CHN1: variants seen among roughly 807,000 people sequenced by gnomAD.
CHN1 encodes the protein chimerin 1, also known as N-chimaerin.
Under a neutral mutation model 59.5 loss-of-function variants are expected in CHN1, and 37 were observed. The observed-to-expected ratio is 0.62, with a 90% CI of 0.48 to 0.82. The LOEUF (loss-of-function observed/expected upper bound fraction) is 0.82, where lower values mean the gene tolerates loss of function less well. Among genes scored for constraint, CHN1 ranks in the 40% least tolerant of loss-of-function variants. CHN1 has a pLI of 0.00. For synonymous variants in CHN1, 206 were observed against 200.4 expected (o/e 1.03, Z -0.24); for missense variants, 469 against 571.0 (o/e 0.82, Z 1.82).
intron 8 of CHN1, among the ~76,000 whole-genome samples, chr2:174,820,119 C>A (rs981932757): frequency 2.6e-5 from 4 of 152,066 alleles, no homozygotes; most frequent in African/African-American, 7.2e-5. Flanking sequence ...AATAGTGCCA[C>A]AATAAACATA....
chr2:174,990,711 T>C (rs2105462393), intron 1 of CHN1, among the ~76,000 whole-genome samples: 1 of 152,362 alleles, frequency 6.6e-6, no homozygotes, highest in East Asian at 1.9e-4. Flanking sequence ...AGAGAAGCAT[T>C]TCTCTTCCCA....
chr2:174,937,523 T>C (rs148629576), intron 3 of CHN1, among the ~76,000 whole-genome samples: 1 of 152,298 alleles, frequency 6.6e-6, no homozygotes, highest in East Asian at 1.9e-4. Flanking sequence ...ACCTTATCAA[T>C]TGTATTAACT....
At chr2:174,803,777 C>T (rs1162360317) in intron 11 of CHN1, among the ~76,000 whole-genome samples, 14 of 151,990 alleles carry the variant, frequency 9.2e-5, no homozygotes, top group Admixed American at 8.5e-4. Context: ...TGGTCTCAAA[C>T]TCCTGGGCTC....
rs984459735 is a variant in CHN1, at chr2:174,886,234, T to C, written c.261-8106A>G. 7.4e-4 allele frequency among the ~76,000 whole-genome samples: 112 copies of C among 152,368 alleles called. 1 individual carries two copies. Among genetic ancestry groups the C allele is most frequent in the Non-Finnish European group, 1.1e-3 (78 of 68,038 alleles). On this transcript the variant is annotated intron_variant, in intron 5 of 12. Transcript: ENST00000409900. ...TAATTCTGTTAAACAATACAATGCTTTTATTTAATCATTTCCATATAAATT... is the reference window on the plus strand; with the variant it reads ...TAATTCTGTTAAACAATACAATGCTCTTATTTAATCATTTCCATATAAATT...
At chr2:174,828,278 A>C (rs1685759355) in intron 7 of CHN1, among the ~76,000 whole-genome samples, 1 of 152,226 alleles carries the variant, frequency 6.6e-6, no homozygotes, top group African/African-American at 2.4e-5. Context: ...ACTTGAAAGC[A>C]AGTTTCCTTT....
intron 1 of CHN1, among the ~76,000 whole-genome samples, chr2:174,973,609 GAGAA>G (rs1690828999): frequency 6.6e-6 from 1 of 152,198 alleles, no homozygotes; most frequent in African/African-American, 2.4e-5. Context: ...TCAGGAGGAA[GAGAA>G]GTTACACATT....
intron 6 of CHN1, among the ~76,000 whole-genome samples, chr2:174,868,123 ATTTC>A (rs1687286904): frequency 6.6e-6 from 1 of 152,108 alleles, no homozygotes; most frequent in African/African-American, 2.4e-5. Context: ...AAGAGCTTGT[ATTTC>A]TTTAATACTT....
intron 5 of CHN1, among the ~76,000 whole-genome samples, chr2:174,911,085 G>A (rs77534125): frequency 6.6e-6 from 1 of 152,050 alleles, no homozygotes; most frequent in Non-Finnish European, 1.5e-5. Context: ...CTCAACGAAT[G>A]GGTCTAACAG....
chr2:174,865,570 C>T (rs1262774061), intron 6 of CHN1, among the ~76,000 whole-genome samples: 1 of 152,174 alleles, frequency 6.6e-6, no homozygotes, highest in African/African-American at 2.4e-5. Context: ...GTACTTCGCA[C>T]AGCTTCTGAA....
At chr2:174,861,619 G>A (rs1687070214) in intron 6 of CHN1, among the ~76,000 whole-genome samples, 1 of 152,106 alleles carries the variant, frequency 6.6e-6, no homozygotes, top group Admixed American at 6.5e-5. Flanking sequence ...AACAAGAATA[G>A]CATTTTAAAT....
chr2:174,888,895 C>T (rs1574130543), intron 5 of CHN1, among the ~76,000 whole-genome samples: 1 of 152,168 alleles, frequency 6.6e-6, no homozygotes, highest in South Asian at 2.1e-4. Context: ...TCTTATGGTG[C>T]CACAGAGAAG....
chr2:174,974,782 T>G, intron 1 of CHN1, among the ~76,000 whole-genome samples: 1 of 152,126 alleles, frequency 6.6e-6, no homozygotes, highest in East Asian at 1.9e-4. Flanking sequence ...TGAGATTGGT[T>G]TCCTTCATGC....
chr2:174,812,383 G>GT lies in CHN1; in HGVS notation c.811dup (p.Thr271AsnfsTer10). On this transcript the variant is annotated frameshift_variant, in exon 9 of 13. Coordinates refer to ENST00000409900, the MANE Select transcript of CHN1 (RefSeq NM_001822.7). LOFTEE classifies it high-confidence loss of function. ...AGTGGTATGTGCTTTCACGAGCGTC[G>GT]TAAGGTCACAGCTGTACACCTTTTT... The GT allele has an allele frequency of 1.2e-6, 2 of 1,613,932 alleles. No individual in the cohort carries two copies. The highest frequency in any genetic ancestry group is 8.5e-7 in the Non-Finnish European group (1 of 1,179,862).
chr2:174,967,561 T>C (rs1187811920), intron 1 of CHN1, among the ~76,000 whole-genome samples: 1 of 152,188 alleles, frequency 6.6e-6, no homozygotes, highest in Admixed American at 6.5e-5. Context: ...TAACCATTCA[T>C]AGCACTTGAA....
rs140359574 is a variant in CHN1 at position 174,944,020 on chromosome 2, T to C, written c.114+868A>G. ...AGAGGGACCATACTTACTATATCTA[T>C]ATACATTTTATATCTGGAAATCTTT... On this transcript the variant is annotated intron_variant, in intron 3 of 12. Transcript: ENST00000409900. 4.3e-4 allele frequency among the ~76,000 whole-genome samples: 65 copies of C among 152,308 alleles called. 2 individuals carry two copies. The highest frequency in any genetic ancestry group is 1.4e-3 in the African/African-American group (60 of 41,584).
chr2:174,957,475 G>T, intron 1 of CHN1, among the ~76,000 whole-genome samples: 1 of 145,316 alleles, frequency 6.9e-6, no homozygotes, highest in East Asian at 2.0e-4. Flanking sequence ...TTATATTGAA[G>T]TTTGTCTTAA....
chr2:174,908,896 G>A (rs942752600), intron 5 of CHN1, among the ~76,000 whole-genome samples: 1 of 152,098 alleles, frequency 6.6e-6, no homozygotes, highest in Non-Finnish European at 1.5e-5. Flanking sequence ...GTTTCATTAT[G>A]CTAAAATTAT....
rs566870797 is a variant in CHN1 at position 174,901,691 on chromosome 2, C to A, written c.260+13367G>T. Among the ~76,000 whole-genome samples, 3 of 152,164 alleles carry A rather than the reference C, an allele frequency of 2.0e-5. No homozygotes were observed. The South Asian group carries it at 6.2e-4, about 32-fold the overall frequency. On this transcript the variant is annotated intron_variant, in intron 5 of 12. Transcript: ENST00000409900. ...TCTAAAAACAAAGCAACAGGGAGAA[C>A]AACAAAAATACATTTAATAAATGCC...
intron 1 of CHN1, among the ~76,000 whole-genome samples, chr2:174,962,836 G>C (rs1690459817): frequency 6.6e-6 from 1 of 152,106 alleles, no homozygotes; most frequent in Non-Finnish European, 1.5e-5. Flanking sequence ...CTTGAACCAG[G>C]GAGGCAGAGG....
Sources: gnomAD v4.1 joint callset for allele counts (sites outside exome capture counted in the v4.1 genomes callset) on GRCh38, gnomAD v4.1.1 for gene constraint, MANE v1.5 for transcripts, NCBI Gene and HGNC (gene_info 2026-07-23, HGNC 2026-07-21) for gene names.